Variants in MAMDC2 observed in about 807,000 individuals in gnomAD.
MAMDC2 encodes MAM domain containing 2, also known as MAM domain-containing protein 2.
A neutral mutation model predicts 89.8 loss-of-function variants in MAMDC2; 57 were observed. The observed-to-expected ratio is 0.63, with a 90% confidence interval of 0.51 to 0.79. The LOEUF is 0.79. Ranked by LOEUF, MAMDC2 falls within the 30% of genes least tolerant of loss-of-function variation. MAMDC2 has a pLI of 0.00. For synonymous variants in MAMDC2, 313 were observed against 293.4 expected (o/e 1.07, Z -0.68); for missense variants, 800 against 820.6 (o/e 0.97, Z 0.31).
chr9:70,122,075 G>T (rs2030310387), intron 5 of MAMDC2, among the ~76,000 whole-genome samples: 1 of 152,194 alleles, frequency 6.6e-6, no homozygotes, highest in African/African-American at 2.4e-5. Flanking sequence ...GCTACCTTTT[G>T]TTCCCCAATG....
intron 9 of MAMDC2, chr9:70,154,205 T>C (rs2031673615): frequency 2.0e-5 from 3 of 152,226 alleles, no homozygotes. Flanking sequence ...TTTTTTGTTT[T>C]GTTTTGTTTT....
intron 11 of MAMDC2, among the ~76,000 whole-genome samples, chr9:70,207,644 C>G (rs1292913486): frequency 6.6e-6 from 1 of 152,168 alleles, no homozygotes; most frequent in Non-Finnish European, 1.5e-5. Context: ...AATTAGATCC[C>G]ATTTGTCAAT....
chr9:70,100,056 A>G (rs1828140808), intron 2 of MAMDC2, among the ~76,000 whole-genome samples: 2 of 151,684 alleles, frequency 1.3e-5, no homozygotes, highest in African/African-American at 4.8e-5. Context: ...GTAGAACAAT[A>G]GCAACTGGTA....
chr9:70,186,089 AACATT>A (rs1384653733), intron 11 of MAMDC2, among the ~76,000 whole-genome samples: 5 of 152,102 alleles, frequency 3.3e-5, no homozygotes, highest in African/African-American at 1.2e-4. Flanking sequence ...GCTCACAACT[AACATT>A]ACGATAGTTG....
chr9:70,066,606 C>T (rs1324842848), intron 2 of MAMDC2, among the ~76,000 whole-genome samples: 3 of 152,102 alleles, frequency 2.0e-5, no homozygotes, highest in Non-Finnish European at 4.4e-5. Context: ...TATGATGGTA[C>T]AGGTTGTTCG....
chr9:70,074,616 G>T (rs1587446786), intron 2 of MAMDC2, among the ~76,000 whole-genome samples: 1 of 152,198 alleles, frequency 6.6e-6, no homozygotes, highest in African/African-American at 2.4e-5. Context: ...TACAGAGCTG[G>T]CATGTGGCAG....
intron 9 of MAMDC2, 83 bp downstream of exon 9, chr9:70,143,902 G>A: frequency 1.3e-6 from 2 of 1,504,662 alleles, no homozygotes; most frequent in Non-Finnish European, 1.8e-6. Context: ...CTGTCAACTG[G>A]TGATGTATTA....
At chr9:70,173,086 CTCTT>C (rs1022721347) in intron 11 of MAMDC2, among the ~76,000 whole-genome samples, 6 of 152,140 alleles carry the variant, frequency 3.9e-5, no homozygotes, top group African/African-American at 1.4e-4. Flanking sequence ...GTTTCTCTCT[CTCTT>C]TCTCTTTCTA....
At chr9:70,110,373 A>G (rs1828475544) in intron 4 of MAMDC2, among the ~76,000 whole-genome samples, 1 of 152,192 alleles carries the variant, frequency 6.6e-6, no homozygotes, top group Non-Finnish European at 1.5e-5. Context: ...AATACTGCTG[A>G]GGAAGGACAA....
intron 10 of MAMDC2, chr9:70,170,213 C>G: frequency 5.3e-6 from 2 of 374,670 alleles, no homozygotes; most frequent in Non-Finnish European, 9.5e-6. Context: ...CAAAAATTCA[C>G]AAGTCAGAGA....
chr9:70,217,250 G>C, intron 11 of MAMDC2: 1 of 914,822 alleles, frequency 1.1e-6, no homozygotes, highest in Non-Finnish European at 1.8e-6. Context: ...GGACAGGGGA[G>C]GCACTACGCC....
intron 2 of MAMDC2, among the ~76,000 whole-genome samples, chr9:70,057,686 G>A (rs1460970014): frequency 6.6e-6 from 1 of 152,156 alleles, no homozygotes; most frequent in Non-Finnish European, 1.5e-5. Context: ...AATTGGTCTT[G>A]GAGAAATAGA....
chr9:70,164,638 CCTT>C (rs1222803269), intron 9 of MAMDC2, among the ~76,000 whole-genome samples: 2 of 151,798 alleles, frequency 1.3e-5, no homozygotes, highest in Non-Finnish European at 2.9e-5. Flanking sequence ...TCTTCTTTCC[CCTT>C]CTTTTTTTTA....
chr9:70,074,207 A>T (rs1379002137), intron 2 of MAMDC2, among the ~76,000 whole-genome samples: 4 of 152,158 alleles, frequency 2.6e-5, no homozygotes, highest in Admixed American at 1.3e-4. Context: ...CAAATTCTCC[A>T]TCTATTATGA....
intron 11 of MAMDC2, among the ~76,000 whole-genome samples, chr9:70,181,487 T>C (rs1231487771): frequency 6.6e-6 from 1 of 152,224 alleles, no homozygotes; most frequent in Non-Finnish European, 1.5e-5. Context: ...TTGATAAGCA[T>C]GGAATTTTTT....
chr9:70,136,921 A>G (rs777373597), intron 7 of MAMDC2, among the ~76,000 whole-genome samples: 5 of 152,126 alleles, frequency 3.3e-5, no homozygotes, highest in Non-Finnish European at 7.4e-5. Context: ...TTCAGGGCTT[A>G]AAGATATACC....
chr9:70,168,179 A>G, intron 9 of MAMDC2, among the ~76,000 whole-genome samples: 1 of 152,170 alleles, frequency 6.6e-6, no homozygotes, highest in Middle Eastern at 3.2e-3. Flanking sequence ...ATATATCGTT[A>G]TATTCTGCTC....
Position 70,126,176 on chromosome 9 carries a change from G to A in MAMDC2, c.661G>A (p.Asp221Asn). The change falls in exon 6 of 14, where the codon GAC (aspartate) becomes AAC (asparagine). Residue 221 changes from aspartate (D) to asparagine (N), a missense_variant. Transcript: ENST00000377182. The stretch of plus-strand genomic sequence containing the variant: ...ATTTTCAGGCCACTACATGTACGTG[G>A]ACTCAGTTTATGTGAAGCACTTCCA... Reference protein sequence around the residue: ...KSELGHYMYVDSVYVKHFQEV... With the variant: ...KSELGHYMYVNSVYVKHFQEV... 1 of 1,613,432 alleles carries A rather than the reference G, an allele frequency of 6.2e-7. No homozygotes were observed. Among genetic ancestry groups the A allele is most frequent in the Non-Finnish European group, 8.5e-7 (1 of 1,179,678 alleles).
intron 2 of MAMDC2, among the ~76,000 whole-genome samples, chr9:70,089,902 C>T (rs1827850461): frequency 6.6e-6 from 1 of 151,966 alleles, no homozygotes; most frequent in South Asian, 2.1e-4. Context: ...TGAAAATGAG[C>T]CTTTTTAACC....
Sources: allele counts gnomAD v4.1 joint callset (sites outside exome capture counted in the v4.1 genomes callset), GRCh38; gene constraint gnomAD v4.1.1; transcripts MANE v1.5; gene names NCBI Gene and HGNC (gene_info 2026-07-23, HGNC 2026-07-21).